The following ARHGEF18 variants were observed in gnomAD, a reference collection of about 807,000 sequenced individuals.
ARHGEF18 encodes the protein rho guanine nucleotide exchange factor 18.
Under a neutral mutation model 155.7 loss-of-function variants are expected in ARHGEF18, and 93 were observed. The ratio of observed to expected loss-of-function variants is 0.60; its 90% CI spans 0.50 to 0.71. ARHGEF18 has a LOEUF of 0.71. Among genes scored for constraint, ARHGEF18 ranks in the 30% least tolerant of loss-of-function variants. The pLI is 0.00. For synonymous variants in ARHGEF18, 742 were observed against 753.1 expected (o/e 0.99, Z 0.24); for missense variants, 1,593 against 1,816.1 (o/e 0.88, Z 2.23).
At chr19:7,412,306 C>T (rs1265818529) in intron 10 of ARHGEF18, among the ~76,000 whole-genome samples, 5 of 123,856 alleles carry the variant, frequency 4.0e-5, no homozygotes, top group African/African-American at 1.1e-4. Flanking sequence ...TGAGCCACCG[C>T]GCCCGGCCTA....
chr19:7,361,491 T>C (rs948316019), intron 1 of ARHGEF18, among the ~76,000 whole-genome samples: 1 of 152,152 alleles, frequency 6.6e-6, no homozygotes, highest in African/African-American at 2.4e-5. Flanking sequence ...TAGATTAGCA[T>C]GTACTCCAGC....
chr19:7,436,877 C>T (rs1327987401), intron 10 of ARHGEF18, among the ~76,000 whole-genome samples: 1 of 152,122 alleles, frequency 6.6e-6, no homozygotes, highest in Non-Finnish European at 1.5e-5. Flanking sequence ...TCTTCAATTG[C>T]TTTGTCTCCT....
In ARHGEF18 at chr19:7,467,616, G is replaced by A. The variant is rs1190221161; in HGVS notation, c.3412G>A (p.Glu1138Lys). 2.0e-6 allele frequency: 3 copies of A among 1,513,368 alleles called. No individual in the cohort carries two copies. Among genetic ancestry groups the A allele is most frequent in the Non-Finnish European group, 2.6e-6 (3 of 1,138,622 alleles). The allele number at this position is 1,513,368 out of a possible 1,614,324, so 93.7% of individuals were successfully genotyped here. A position where few individuals can be genotyped will look rare whatever the true frequency, so the allele number is the denominator to read the frequency against. The change falls in exon 26 of 29, where the codon GAG (glutamate) becomes AAG (lysine). Residue 1138 changes from glutamate (E) to lysine (K), a missense_variant. Physicochemically the swap from Glu to Lys is moderately conservative, Grantham distance 56. Coordinates refer to ENST00000668164, the MANE Select transcript of ARHGEF18 (RefSeq NM_001367823.1). ...RAVERERERL[E>K]LLRRLKKQNT... ...CGTGGAGCGCGAGCGGGAGCGCCTG[G>A]AGCTGCTGCGCCGCCTCAAGAAGCA...
Position 7,470,516 on chromosome 19 carries a change from CTTT to C in ARHGEF18, c.*229_*231del, listed in dbSNP as rs72215888. On this transcript the variant is annotated 3_prime_UTR_variant, in exon 29 of 29. Transcript: ENST00000668164. This position sits in a 1 kb window ranked among gnomAD's most constrained non-coding sequence, Gnocchi z 5.9. ...GGTGCCGGGGTCACTTTCTGAATCT[CTTT>C]TTTTTTTTTTCAAAAAGGAAAGTTT... 13 of 348,616 alleles carry C rather than the reference CTTT, an allele frequency of 3.7e-5. No homozygotes were observed. Among genetic ancestry groups the C allele is most frequent in the African/African-American group, 1.1e-4 (5 of 45,654 alleles). The allele number at this position is 348,616 out of a possible 1,614,324, so 21.6% of individuals were successfully genotyped here.
At chr19:7,351,804 C>T (rs533230378) in intron 1 of ARHGEF18, among the ~76,000 whole-genome samples, 1 of 151,760 alleles carries the variant, frequency 6.6e-6, no homozygotes, top group South Asian at 2.1e-4. Context: ...AAGCAGTTCT[C>T]CTGCCTCAGC....
In ARHGEF18 at chr19:7,469,989, C is replaced by A. The variant is rs766134775; in HGVS notation, c.3873C>A (p.Ser1291Arg). 9 of 1,613,074 alleles carry A rather than the reference C, an allele frequency of 5.6e-6. No homozygotes were observed. The African/African-American group carries it at 8.0e-5, about 14-fold the overall frequency. The stretch of plus-strand genomic sequence containing the variant: ...CCTCACGGAACCGCCGCTCGCTGAG[C>A]CCTATCCTGCCCGGCAGACACAGTC... ...ESTSRNRRSL[S>R]PILPGRHSPA... The change falls in exon 28 of 29, where the codon AGC becomes AGA. Residue 1291 changes from serine (S) to arginine (R), a missense_variant. Transcript: ENST00000668164.
the ARHGEF18 span, chr19:7,478,315 T>C: frequency 1.2e-6 from 2 of 1,610,844 alleles, no homozygotes; most frequent in South Asian, 2.2e-5. Flanking sequence ...GGCTCCTACC[T>C]GGTGAAGGGC....
intron 10 of ARHGEF18, among the ~76,000 whole-genome samples, chr19:7,411,251 T>C (rs954568760): frequency 1.6e-5 from 2 of 128,906 alleles, no homozygotes; most frequent in African/African-American, 2.8e-5. Flanking sequence ...TTCCCCTACC[T>C]CTTCCCCTTC....
In ARHGEF18 at chr19:7,444,398, G is replaced by C. The variant is rs1186993574; in HGVS notation, c.1555G>C (p.Glu519Gln). 6.2e-7 allele frequency: 1 copy of C among 1,613,710 alleles called. No individual in the cohort carries two copies. Reference protein sequence around the residue: ...LKERRQESLEEGSDRNYVIQK... With the variant: ...LKERRQESLEQGSDRNYVIQK... ...GGAGCGCCGCCAGGAGTCCCTGGAG[G>C]AGGGCAGTGACCGGAATTATGTCAT... Residue 519 changes from glutamate to glutamine, a missense_variant, in exon 14 of 29, where the codon GAG (glutamate) becomes CAG (glutamine). Physicochemically the swap from Glu to Gln is conservative, Grantham distance 29. Coordinates refer to ENST00000668164, the MANE Select transcript of ARHGEF18 (RefSeq NM_001367823.1). The surrounding 1 kb of genome is among the most constrained non-coding windows in gnomAD (Gnocchi z 4.7).
chr19:7,441,359 TAGCAGAGACG>T (rs1974634085), intron 11 of ARHGEF18, among the ~76,000 whole-genome samples: 1 of 151,970 alleles, frequency 6.6e-6, no homozygotes, highest in African/African-American at 2.4e-5. Context: ...TTTGTATTTT[TAGCAGAGACG>T]GGATTTTGCC....
rs35219215 is a variant in ARHGEF18 at position 7,352,531 on chromosome 19, CT to C, written c.-111+3310del. Among the ~76,000 whole-genome samples, 731 of 93,150 alleles carry C rather than the reference CT, an allele frequency of 7.8e-3. 3 individuals carry two copies. The highest frequency in any genetic ancestry group is 0.056 in the East Asian group (170 of 3,028). The allele number at this position is 93,150 out of a possible 152,430, so 61.1% of individuals were successfully genotyped here. ...TGTCCTTCTCACTTTCCTAGGTTTC[CT>C]TTTTTTTTTTTTTTTTTTTGAGATG... On this transcript the variant is annotated intron_variant, in intron 1 of 28. Coordinates refer to ENST00000668164, the MANE Select transcript of ARHGEF18 (RefSeq NM_001367823.1).
At chr19:7,415,140 C>G (rs1972927252) in intron 10 of ARHGEF18, among the ~76,000 whole-genome samples, 1 of 152,170 alleles carries the variant, frequency 6.6e-6, no homozygotes, top group East Asian at 1.9e-4. Context: ...CAAAGCTGGA[C>G]CCAAGGACCT....
chr19:7,475,187 G>C (rs966315982), downstream of ARHGEF18, among the ~76,000 whole-genome samples: 5 of 152,254 alleles, frequency 3.3e-5, no homozygotes, highest in South Asian at 2.1e-4. Flanking sequence ...AGCCGAGATC[G>C]CGCCACCGCA....
intron 8 of ARHGEF18, 46 bp downstream of exon 8, chr19:7,381,040 A>G: frequency 8.2e-7 from 1 of 1,215,264 alleles, no homozygotes; most frequent in African/African-American, 1.6e-5. Flanking sequence ...TTGGATTCGA[A>G]CAAGTGTTTA....
chr19:7,416,830 C>G (rs544415927), intron 10 of ARHGEF18, among the ~76,000 whole-genome samples: 3 of 152,106 alleles, frequency 2.0e-5, no homozygotes, highest in Non-Finnish European at 2.9e-5. Context: ...GTCTCGATCT[C>G]CTGACCTCAT....
intron 10 of ARHGEF18, among the ~76,000 whole-genome samples, chr19:7,407,425 CAAAA>C (rs59665719): frequency 1.8e-5 from 2 of 108,750 alleles, no homozygotes. Flanking sequence ...GACTGAGTCT[CAAAA>C]AAAAAAAAAA....
At chr19:7,394,492 T>A (rs1267756383) in intron 10 of ARHGEF18, among the ~76,000 whole-genome samples, 1 of 151,754 alleles carries the variant, frequency 6.6e-6, no homozygotes, top group South Asian at 2.1e-4. Flanking sequence ...TGACAACCCC[T>A]CCAGGCATCC....
At chr19:7,409,859 C>T (rs150472766) in intron 10 of ARHGEF18, among the ~76,000 whole-genome samples, 118 of 150,126 alleles carry the variant, frequency 7.9e-4, no homozygotes, top group African/African-American at 2.6e-3. Context: ...CTGCAACCTC[C>T]GCCCTCCAAG....
chr19:7,391,806 G>A (rs547800077), intron 10 of ARHGEF18, among the ~76,000 whole-genome samples: 29 of 151,990 alleles, frequency 1.9e-4, no homozygotes, highest in African/African-American at 6.8e-4. Context: ...ACACCCTCCA[G>A]TGCATAGGAG....
Sources: gnomAD v4.1 joint callset for allele counts (sites outside exome capture counted in the v4.1 genomes callset) on GRCh38, gnomAD v4.1.1 for gene constraint, Gnocchi (gnomAD v3.1) non-coding constraint, MANE v1.5 for transcripts, NCBI Gene and HGNC (gene_info 2026-07-23, HGNC 2026-07-21) for gene names.